Variants in FGF12 observed in about 807,000 individuals in gnomAD.
FGF12 encodes the protein fibroblast growth factor 12B.
A neutral mutation model predicts 23.6 loss-of-function variants in FGF12; 14 were observed. The ratio of observed to expected loss-of-function variants is 0.59; its 90% CI spans 0.39 to 0.93. The LOEUF is 0.93. Ranked by LOEUF, FGF12 falls within the 40% of genes least tolerant of loss-of-function variation. FGF12 has a pLI of 0.00. For missense variants in FGF12, 175 were observed against 217.8 expected, an observed-to-expected ratio of 0.80 and a Z score of 1.24; for synonymous variants, 62 against 77.3, an observed-to-expected ratio of 0.80 and a Z score of 1.04.
intron 5 of FGF12, among the ~76,000 whole-genome samples, chr3:192,167,776 T>A (rs1332933937): frequency 0.11 from 6,994 of 61,306 alleles, 1,310 homozygotes; most frequent in Non-Finnish European, 0.21. Flanking sequence ...TATAAAATTT[T>A]TTTTTTTTTT....
At position 192,297,192 on chromosome 3, in the gene FGF12, C is replaced by T. The variant is rs144652200; in HGVS notation, c.228+38169G>A. Among the ~76,000 whole-genome samples, 116 of 152,240 alleles carry T rather than the reference C, an allele frequency of 7.6e-4. 1 individual carries two copies. The highest frequency in any genetic ancestry group is 2.5e-3 in the African/African-American group (105 of 41,540). Reference sequence around the variant, plus strand: ...AAACCTATTTGGTTAGAATTTCCCACGATTTGCGTCATAGCCCACAAACAA... The same window carrying T: ...AAACCTATTTGGTTAGAATTTCCCATGATTTGCGTCATAGCCCACAAACAA... On this transcript the variant is annotated intron_variant, in intron 4 of 5. Coordinates refer to ENST00000445105, the MANE Select transcript of FGF12 (RefSeq NM_004113.6).
intron 2 of FGF12, among the ~76,000 whole-genome samples, chr3:192,656,966 A>G (rs1716451338): frequency 6.6e-6 from 1 of 152,186 alleles, no homozygotes; most frequent in Non-Finnish European, 1.5e-5. Context: ...AGGGATAGGT[A>G]TTAGTATAAA....
Position 192,427,179 on chromosome 3 carries a change from G to A in FGF12, c.14-66641C>T, listed in dbSNP as rs571092244. The stretch of plus-strand genomic sequence containing the variant: ...GGGTAGATCACGAGGTCAGGAGTTC[G>A]AGACCAGCCTGACCAACATGGTGAA... On this transcript the variant is annotated intron_variant, in intron 2 of 5. Coordinates refer to ENST00000445105, the MANE Select transcript of FGF12 (RefSeq NM_004113.6). 1.6e-4 allele frequency among the ~76,000 whole-genome samples: 25 copies of A among 151,872 alleles called. No individual in the cohort carries two copies. In the East Asian group the frequency reaches 2.3e-3, roughly 14 times the overall value.
intron 4 of FGF12, among the ~76,000 whole-genome samples, chr3:192,290,519 C>A (rs1481159899): frequency 1.3e-5 from 2 of 152,076 alleles, no homozygotes; most frequent in Non-Finnish European, 2.9e-5. Context: ...TAAGGGCAAG[C>A]CTACTGAAGA....
At chr3:192,150,949 C>T (rs1714020704) in intron 5 of FGF12, among the ~76,000 whole-genome samples, 1 of 144,940 alleles carries the variant, frequency 6.9e-6, no homozygotes, top group Non-Finnish European at 1.5e-5. Flanking sequence ...TAGCCATGAG[C>T]ATGGAATGTT....
intron 2 of FGF12, among the ~76,000 whole-genome samples, chr3:192,467,815 T>A (rs939256894): frequency 3.3e-5 from 5 of 152,216 alleles, no homozygotes; most frequent in Admixed American, 6.5e-5. Flanking sequence ...CAGGTCAATG[T>A]CCTACACTTA....
At position 192,297,040 on chromosome 3, in the gene FGF12, T is replaced by C. The variant is rs539546294; in HGVS notation, c.228+38321A>G. 4.6e-5 allele frequency among the ~76,000 whole-genome samples: 7 copies of C among 152,334 alleles called. No individual in the cohort carries two copies. The South Asian group carries it at 1.2e-3, about 27-fold the overall frequency. On this transcript the variant is annotated intron_variant, in intron 4 of 5. Transcript: ENST00000445105. Reference sequence around the variant, plus strand: ...GTTCAAGTTTCATTATCTAGACTTGTTTTTGGCACAACATGGTTATTGCTC... The same window carrying C: ...GTTCAAGTTTCATTATCTAGACTTGCTTTTGGCACAACATGGTTATTGCTC...
intron 2 of FGF12, among the ~76,000 whole-genome samples, chr3:192,450,948 T>A (rs1294325475): frequency 6.6e-6 from 1 of 152,198 alleles, no homozygotes; most frequent in African/African-American, 2.4e-5. Flanking sequence ...ATTTCCAATA[T>A]CACCTCAGTC....
chr3:192,359,658 T>G (rs1308095833), intron 3 of FGF12, among the ~76,000 whole-genome samples: 1 of 152,180 alleles, frequency 6.6e-6, no homozygotes, highest in Non-Finnish European at 1.5e-5. Flanking sequence ...GACATTTTTC[T>G]AGACTGCAAA....
Position 192,360,074 on chromosome 3 carries a change from A to T in FGF12, c.124+354T>A, listed in dbSNP as rs1417419006. On this transcript the variant is annotated intron_variant, in intron 3 of 5. Transcript: ENST00000445105. The surrounding 1 kb of genome is among the most constrained non-coding windows in gnomAD (Gnocchi z 4.3). ...TTCATTATTGAACTATAACTTGTTC[A>T]TCACTTGGTTCCGGGATTTAAATAC... is the stretch of plus-strand genomic sequence containing the variant. 6.6e-6 allele frequency among the ~76,000 whole-genome samples: 1 copy of T among 152,144 alleles called. No individual in the cohort carries two copies. Among genetic ancestry groups the T allele is most frequent in the Non-Finnish European group, 1.5e-5 (1 of 68,018 alleles).
intron 4 of FGF12, among the ~76,000 whole-genome samples, chr3:192,315,909 T>C (rs1212356824): frequency 6.6e-6 from 1 of 152,160 alleles, no homozygotes. Context: ...CAAAAATTGG[T>C]TCACTGCTTT....
chr3:192,603,597 T>A (rs927261883), intron 2 of FGF12, among the ~76,000 whole-genome samples: 1 of 151,970 alleles, frequency 6.6e-6, no homozygotes, highest in Non-Finnish European at 1.5e-5. Context: ...GGGGGTGACA[T>A]CACATATCAG....
intron 5 of FGF12, among the ~76,000 whole-genome samples, chr3:192,157,832 CATA>C (rs1457175964): frequency 6.6e-6 from 1 of 152,210 alleles, no homozygotes; most frequent in African/African-American, 2.4e-5. Context: ...TAGTCATCCT[CATA>C]ATAATATCTA....
At chr3:192,530,551 C>T (rs749000405) in intron 2 of FGF12, among the ~76,000 whole-genome samples, 1 of 152,136 alleles carries the variant, frequency 6.6e-6, no homozygotes, top group East Asian at 1.9e-4. Flanking sequence ...TTAATAATTT[C>T]TCTTCTGTAT....
chr3:192,318,526 C>A (rs184359494), intron 4 of FGF12, among the ~76,000 whole-genome samples: 1 of 152,108 alleles, frequency 6.6e-6, no homozygotes, highest in Non-Finnish European at 1.5e-5. Flanking sequence ...TTTGAAAATT[C>A]ACGATCAGAG....
chr3:192,696,407 T>C (rs1273395635), intron 2 of FGF12, among the ~76,000 whole-genome samples: 3 of 152,188 alleles, frequency 2.0e-5, no homozygotes, highest in African/African-American at 4.8e-5. Flanking sequence ...TTTGCACTTC[T>C]AGAATCAGCA....
At chr3:192,566,481 G>A (rs1712295218) in intron 2 of FGF12, among the ~76,000 whole-genome samples, 1 of 152,152 alleles carries the variant, frequency 6.6e-6, no homozygotes, top group African/African-American at 2.4e-5. Flanking sequence ...GAGAAAAGAA[G>A]CTAAAAAGAC....
At chr3:192,528,674 C>T (rs1484541673) in intron 2 of FGF12, among the ~76,000 whole-genome samples, 12 of 152,200 alleles carry the variant, frequency 7.9e-5, no homozygotes, top group Admixed American at 7.9e-4. Flanking sequence ...AAAAGTCTGC[C>T]TGAACATCTA....
chr3:192,350,854 T>C lies in FGF12; in HGVS notation c.124+9574A>G, dbSNP rs566314237. ...AGAAGTGAGTTTATTTCGTTTTATC[T>C]TTTAACTGGGTCACTCTGGCTGCTG... is the stretch of plus-strand genomic sequence containing the variant. On this transcript the variant is annotated intron_variant, in intron 3 of 5. Transcript: ENST00000445105. 2.0e-5 allele frequency among the ~76,000 whole-genome samples: 3 copies of C among 152,284 alleles called. No individual in the cohort carries two copies. In the East Asian group the frequency reaches 5.8e-4, roughly 29 times the overall value.
Sources: gnomAD v4.1 joint callset for allele counts (sites outside exome capture counted in the v4.1 genomes callset) on GRCh38, gnomAD v4.1.1 for gene constraint, Gnocchi (gnomAD v3.1) non-coding constraint, MANE v1.5 for transcripts, NCBI Gene and HGNC (gene_info 2026-07-23, HGNC 2026-07-21) for gene names.